RUFY2: variants seen among roughly 807,000 people sequenced by gnomAD.
RUFY2 encodes RUN and FYVE domain-containing protein 2.
Under a neutral mutation model 94.4 loss-of-function variants are expected in RUFY2, and 49 were observed. That is an observed-to-expected ratio of 0.52 (90% CI 0.41 to 0.66). The LOEUF is 0.66. RUFY2 is among the 30% of genes least tolerant of loss of function. RUFY2 has a pLI of 0.00. For synonymous variants in RUFY2, 255 were observed against 235.7 expected (o/e 1.08, Z -0.75); for missense variants, 541 against 692.8 (o/e 0.78, Z 2.46).
intron 12 of RUFY2, chr10:68,378,477 A>G: frequency 7.4e-7 from 1 of 1,358,862 alleles, no homozygotes; most frequent in South Asian, 2.0e-5. Context: ...TAGAATATTT[A>G]ATAGCATTTA....
chr10:68,382,570 C>G (rs970608387), intron 10 of RUFY2, among the ~76,000 whole-genome samples: 1 of 150,858 alleles, frequency 6.6e-6, no homozygotes, highest in Non-Finnish European at 1.5e-5. Context: ...AAAAATTAGC[C>G]GGGCGTGGTG....
intron 13 of RUFY2, among the ~76,000 whole-genome samples, chr10:68,373,586 G>A (rs901748733): frequency 2.0e-5 from 3 of 151,936 alleles, no homozygotes; most frequent in Non-Finnish European, 4.4e-5. Flanking sequence ...AGGATACATA[G>A]CAAGACCTCC....
intron 7 of RUFY2, among the ~76,000 whole-genome samples, chr10:68,388,713 G>A (rs141697884): frequency 3.3e-5 from 5 of 151,844 alleles, no homozygotes; most frequent in African/African-American, 1.2e-4. Flanking sequence ...GCGCAAGCCT[G>A]TGCTCCCAGC....
downstream of RUFY2, chr10:68,342,955 A>ATAAAACATAAAAC (rs1342375043): frequency 1.3e-5 from 2 of 152,234 alleles, no homozygotes; most frequent in Non-Finnish European, 1.5e-5. Context: ...TGTCATAGTC[A>ATAAAACATAAAAC]ATAAAAACAA....
chr10:68,387,853 C>T (rs1179692563), intron 7 of RUFY2, among the ~76,000 whole-genome samples: 1 of 151,312 alleles, frequency 6.6e-6, no homozygotes, highest in East Asian at 2.0e-4. Flanking sequence ...AAATACAAAA[C>T]TTAGCTGGGC....
In RUFY2 at chr10:68,346,011, C is replaced by CTCT; in HGVS notation, c.1670_1672dup (p.Lys557dup). ...CTCACTTCTTATCTCCCTTACCTTT[C>CTCT]TCTTAGAGAGTGAGAATTCCTTTTC... is the stretch of plus-strand genomic sequence containing the variant. On this transcript the variant is annotated inframe_insertion, in exon 17 of 18. Transcript: ENST00000602465. 6.2e-7 allele frequency: 1 copy of CTCT among 1,613,704 alleles called. No homozygotes were observed. The highest frequency in any genetic ancestry group is 8.5e-7 in the Non-Finnish European group (1 of 1,179,844).
chr10:68,386,193 T>C lies in RUFY2; in HGVS notation c.651-65A>G, dbSNP rs375275911. 1.4e-5 allele frequency: 18 copies of C among 1,327,446 alleles called. No individual in the cohort carries two copies. In the African/African-American group the frequency reaches 2.3e-4, roughly 17 times the overall value. 82.2% of individuals were successfully genotyped at this position (1,327,446 alleles called of 1,614,324 possible). On this transcript the variant is annotated intron_variant, in intron 7 of 17. Coordinates refer to ENST00000602465, the MANE Select transcript of RUFY2 (RefSeq NM_001330103.2). ...GAACTCAAAAAGGCACGAAAAAATA[T>C]GTTATCCTAGATTTACTATGTTTAC...
rs1420444227 is a variant in RUFY2, at chr10:68,346,097, AAATATT to A, written c.1600-19_1600-14del. The A allele has an allele frequency of 6.3e-7, 1 of 1,593,894 alleles. No individual in the cohort carries two copies. The highest frequency in any genetic ancestry group is 8.6e-7 in the Non-Finnish European group (1 of 1,168,346). On this transcript the variant is annotated splice_polypyrimidine_tract_variant and intron_variant, in intron 16 of 17. Coordinates refer to ENST00000602465, the MANE Select transcript of RUFY2 (RefSeq NM_001330103.2). The stretch of plus-strand genomic sequence containing the variant: ...GCCAAACCAGTCCCTAGTAGGAAGA[AAATATT>A]AATGCTCAAATTGGTAACACTAAAA...
At chr10:68,395,479 G>A (rs557260061) in intron 4 of RUFY2, among the ~76,000 whole-genome samples, 1 of 152,140 alleles carries the variant, frequency 6.6e-6, no homozygotes, top group Admixed American at 6.6e-5. Flanking sequence ...TAAGACCCTT[G>A]GGATAAAGAC....
At chr10:68,376,442 G>GTATATATATATA (rs764172830) in intron 13 of RUFY2, among the ~76,000 whole-genome samples, 8 of 27,964 alleles carry the variant, frequency 2.9e-4, no homozygotes, top group Non-Finnish European at 6.0e-4. Context: ...AAAAATGTGT[G>GTATATATATATA]TATATATATA....
intron 16 of RUFY2, among the ~76,000 whole-genome samples, chr10:68,353,331 G>GAAAA (rs372859135): frequency 8.9e-6 from 1 of 112,358 alleles, no homozygotes; most frequent in Non-Finnish European, 1.8e-5. Context: ...ACCCTGTCTC[G>GAAAA]AAAAAAAAAA....
chr10:68,377,090 G>A (rs994104442), intron 12 of RUFY2, 118 bp from the exon 13 acceptor site: 2 of 1,523,916 alleles, frequency 1.3e-6, no homozygotes, highest in Non-Finnish European at 1.8e-6. Flanking sequence ...TGAAAACAAA[G>A]TTTGGGGGAA....
In RUFY2 at chr10:68,381,291, G is replaced by A. The variant is rs2049040660; in HGVS notation, c.1048C>T (p.Leu350Phe). ...TTAACTTCCTCTAGTTGTTGTCGAAGGCCTATCAGAGTATCTTGTTTCTCA... is the reference window on the plus strand; with the variant it reads ...TTAACTTCCTCTAGTTGTTGTCGAAAGCCTATCAGAGTATCTTGTTTCTCA... ...IHEKQDTLIG[L>F]RQQLEEVKAI... Residue 350 changes from leucine (L) to phenylalanine (F), a missense_variant, in exon 11 of 18, where the codon CTT becomes TTT. By Grantham distance (22) the Leu-to-Phe change is conservative. Transcript: ENST00000602465. 3.1e-6 allele frequency: 5 copies of A among 1,613,638 alleles called. No individual in the cohort carries two copies. The highest frequency in any genetic ancestry group is 3.4e-6 in the Non-Finnish European group (4 of 1,179,784).
chr10:68,400,794 C>T (rs1363055095), intron 3 of RUFY2, among the ~76,000 whole-genome samples: 5 of 151,618 alleles, frequency 3.3e-5, no homozygotes, highest in East Asian at 1.9e-4. Context: ...AGGCGGATCA[C>T]GAGGTCAGGA....
chr10:68,400,808 C>T (rs750587641), intron 3 of RUFY2, among the ~76,000 whole-genome samples: 1 of 151,730 alleles, frequency 6.6e-6, no homozygotes. Flanking sequence ...GTCAGGAGAT[C>T]GAGACCATTC....
At chr10:68,350,046 G>C (rs1490212538) in intron 16 of RUFY2, among the ~76,000 whole-genome samples, 1 of 151,828 alleles carries the variant, frequency 6.6e-6, no homozygotes, top group Non-Finnish European at 1.5e-5. Context: ...GTCTCGCTCT[G>C]TCGCCCAGGC....
At chr10:68,398,545 G>A (rs943697751) in intron 3 of RUFY2, among the ~76,000 whole-genome samples, 3 of 151,794 alleles carry the variant, frequency 2.0e-5, no homozygotes, top group South Asian at 2.1e-4. Flanking sequence ...CCAGCTACTC[G>A]AGAGGCGGAG....
At chr10:68,376,288 G>C (rs1347202239) in intron 13 of RUFY2, among the ~76,000 whole-genome samples, 1 of 148,378 alleles carries the variant, frequency 6.7e-6, no homozygotes, top group African/African-American at 2.5e-5. Flanking sequence ...TTAGCCAGGC[G>C]TGGTGGCAGG....
rs189779385 is a variant in RUFY2, at chr10:68,380,811, G to A, written c.1107+421C>T. Among the ~76,000 whole-genome samples the A allele has an allele frequency of 1.1e-3, 160 of 151,934 alleles. 1 individual carries two copies. The highest frequency in any genetic ancestry group is 2.7e-3 in the South Asian group (13 of 4,798). On this transcript the variant is annotated intron_variant, in intron 11 of 17. Coordinates refer to ENST00000602465, the MANE Select transcript of RUFY2 (RefSeq NM_001330103.2). ...TGGGAGGCAGAGGTTGCAGTGCGTC[G>A]AGATCTCACCACTGTACTCCAGCCT... is the stretch of plus-strand genomic sequence containing the variant.
Sources: allele counts gnomAD v4.1 joint callset (sites outside exome capture counted in the v4.1 genomes callset), GRCh38; gene constraint gnomAD v4.1.1; transcripts MANE v1.5; gene names NCBI Gene and HGNC (gene_info 2026-07-23, HGNC 2026-07-21).